The following CAV1 variants were observed in gnomAD, a reference collection of about 807,000 sequenced individuals.
The protein encoded by CAV1 is caveolin 1, also known as caveolin-1.
Under a neutral mutation model 16.5 loss-of-function variants are expected in CAV1, and 10 were observed. The observed-to-expected ratio is 0.61, with a 90% CI of 0.37 to 1.03. CAV1 has a LOEUF of 1.03. CAV1 is among the 50% of genes least tolerant of loss of function. The pLI is 0.01. For synonymous variants in CAV1, 76 were observed against 85.1 expected, an observed-to-expected ratio of 0.89 and a Z score of 0.59; for missense variants, 212 against 232.8, an observed-to-expected ratio of 0.91 and a Z score of 0.58.
intron 2 of CAV1, among the ~76,000 whole-genome samples, chr7:116,555,180 C>T (rs975916487): frequency 2.6e-5 from 4 of 151,956 alleles, no homozygotes; most frequent in South Asian, 2.1e-4. Flanking sequence ...CAGTAGCTCA[C>T]GTCTGTAATC....
At chr7:116,544,954 A>C (rs1794011359) in intron 2 of CAV1, among the ~76,000 whole-genome samples, 1 of 151,966 alleles carries the variant, frequency 6.6e-6, no homozygotes, top group Non-Finnish European at 1.5e-5. Context: ...CATTTCACTT[A>C]CTCCATCCTC....
chr7:116,525,068 T>C lies in CAV1; in HGVS notation c.6T>C (p.Ser2=). The C allele has an allele frequency of 6.2e-7, 1 of 1,614,196 alleles. No homozygotes were observed. Among genetic ancestry groups the C allele is most frequent in the Non-Finnish European group, 8.5e-7 (1 of 1,180,024 alleles). The change falls in exon 1 of 3, where the codon TCT becomes TCC. Residue 2 remains serine (S), a synonymous_variant. Coordinates refer to ENST00000341049, the MANE Select transcript of CAV1 (RefSeq NM_001753.5). M[S]GGKYVDSEGH... Reference sequence around the variant, plus strand: ...TCATCCAGCCACGGGCCAGCATGTCTGGGGGCAAATACGTAGACTCGGAGG... The same window carrying C: ...TCATCCAGCCACGGGCCAGCATGTCCGGGGGCAAATACGTAGACTCGGAGG...
At chr7:116,555,185 G>C (rs1794233554) in intron 2 of CAV1, among the ~76,000 whole-genome samples, 1 of 152,034 alleles carries the variant, frequency 6.6e-6, no homozygotes, top group South Asian at 2.1e-4. Context: ...GCTCACGTCT[G>C]TAATCCCAAC....
At chr7:116,552,440 G>A (rs1794182155) in intron 2 of CAV1, among the ~76,000 whole-genome samples, 1 of 152,136 alleles carries the variant, frequency 6.6e-6, no homozygotes, top group Non-Finnish European at 1.5e-5. Flanking sequence ...CAAGCCAACA[G>A]GAAAGAGTGT....
chr7:116,530,531 G>C (rs1271679803), intron 2 of CAV1, among the ~76,000 whole-genome samples: 1 of 152,192 alleles, frequency 6.6e-6, no homozygotes, highest in Non-Finnish European at 1.5e-5. Context: ...AGAGAAGGAG[G>C]ATGTATTGCA....
intron 2 of CAV1, among the ~76,000 whole-genome samples, chr7:116,534,395 A>ATATATATATTTTT (rs1442237865): frequency 6.4e-4 from 5 of 7,834 alleles, no homozygotes; most frequent in Non-Finnish European, 1.1e-3. Context: ...ATATATATAT[A>ATATATATATTTTT]TTTTTTTTTT....
intron 2 of CAV1, among the ~76,000 whole-genome samples, chr7:116,532,949 C>T (rs1332333107): frequency 6.6e-5 from 10 of 152,226 alleles, no homozygotes; most frequent in South Asian, 4.1e-4. Flanking sequence ...GAAGAAGGGA[C>T]GGAAAATATT....
Position 116,560,051 on chromosome 7 carries a change from T to C in CAV1, c.*764T>C, listed in dbSNP as rs780349420. On this transcript the variant is annotated 3_prime_UTR_variant, in exon 3 of 3. Coordinates refer to ENST00000341049, the MANE Select transcript of CAV1 (RefSeq NM_001753.5). ...AAAATTAGAATATCCATGACCTAGT[T>C]TTCCATGCGTGTTTCTGACTCTGAG... 5.2e-5 allele frequency: 20 copies of C among 386,064 alleles called. No homozygotes were observed. The highest frequency in any genetic ancestry group is 5.0e-5 in the Non-Finnish European group (11 of 218,232). 23.9% of individuals were successfully genotyped at this position (386,064 alleles called of 1,614,324 possible). A position where few individuals can be genotyped will look rare whatever the true frequency, so the allele number is the denominator to read the frequency against.
intron 2 of CAV1, among the ~76,000 whole-genome samples, chr7:116,534,362 G>GAGATATATAT (rs1293217496): frequency 2.3e-5 from 1 of 42,688 alleles, no homozygotes; most frequent in Non-Finnish European, 4.5e-5. Flanking sequence ...GCCCACCTCA[G>GAGATATATAT]ATATATATAT....
intron 2 of CAV1, among the ~76,000 whole-genome samples, chr7:116,556,688 G>A (rs1794300809): frequency 6.6e-6 from 1 of 152,150 alleles, no homozygotes; most frequent in African/African-American, 2.4e-5. Flanking sequence ...GCTCTGTAAA[G>A]AGGTAGGAAT....
intron 1 of CAV1, chr7:116,525,470 G>T: frequency 7.5e-7 from 1 of 1,333,328 alleles, no homozygotes; most frequent in Non-Finnish European, 9.8e-7. Context: ...TGGAGTGCAG[G>T]GTGGAGGTGT....
intron 2 of CAV1, among the ~76,000 whole-genome samples, chr7:116,557,668 A>G (rs760132042): frequency 1.3e-5 from 2 of 152,148 alleles, no homozygotes; most frequent in Non-Finnish European, 2.9e-5. Context: ...CCCTTGAGCT[A>G]ACCAAGTCCT....
chr7:116,529,849 T>G (rs1793647079), intron 2 of CAV1, among the ~76,000 whole-genome samples: 2 of 152,222 alleles, frequency 1.3e-5, no homozygotes, highest in African/African-American at 4.8e-5. Flanking sequence ...AAAATTTCCT[T>G]TAATTAAAGT....
intron 2 of CAV1, among the ~76,000 whole-genome samples, chr7:116,541,517 A>C (rs1562832768): frequency 6.6e-6 from 1 of 152,150 alleles, no homozygotes; most frequent in African/African-American, 2.4e-5. Flanking sequence ...TTGGGAGGCC[A>C]AGGTGGATAG....
intron 2 of CAV1, among the ~76,000 whole-genome samples, chr7:116,539,414 T>C (rs1012602251): frequency 1.3e-5 from 2 of 152,146 alleles, no homozygotes; most frequent in South Asian, 2.1e-4. Context: ...CTGAATTCAG[T>C]TGACACTCTG....
chr7:116,545,378 T>C (rs990067168), intron 2 of CAV1, among the ~76,000 whole-genome samples: 2 of 152,244 alleles, frequency 1.3e-5, no homozygotes, highest in Non-Finnish European at 2.9e-5. Flanking sequence ...GGACTGCGTC[T>C]TGACAGCCAC....
At chr7:116,543,819 T>A (rs914036017) in intron 2 of CAV1, among the ~76,000 whole-genome samples, 7 of 152,176 alleles carry the variant, frequency 4.6e-5, no homozygotes, top group African/African-American at 1.7e-4. Flanking sequence ...TTCTATCGTT[T>A]GTTTTGTTTT....
intron 2 of CAV1, among the ~76,000 whole-genome samples, chr7:116,555,542 G>GAGAGAAAGAAAGAA (rs1478856618): frequency 4.9e-4 from 6 of 12,138 alleles, no homozygotes; most frequent in Non-Finnish European, 6.9e-4. Flanking sequence ...GAGAGAGAGA[G>GAGAGAAAGAAAGAA]AGAAAGAAAG....
At chr7:116,536,863 C>A (rs999981755) in intron 2 of CAV1, among the ~76,000 whole-genome samples, 2 of 151,456 alleles carry the variant, frequency 1.3e-5, no homozygotes, top group Admixed American at 6.6e-5. Flanking sequence ...ATTAGCCGGG[C>A]GCGGTGGCGG....
Sources: gnomAD v4.1 joint callset for allele counts (sites outside exome capture counted in the v4.1 genomes callset) on GRCh38, gnomAD v4.1.1 for gene constraint, MANE v1.5 for transcripts, NCBI Gene and HGNC (gene_info 2026-07-23, HGNC 2026-07-21) for gene names.